ARHGAP18: variants seen among roughly 807,000 people sequenced by gnomAD.
The protein encoded by ARHGAP18 is Rho GTPase activating protein 18, also known as rho GTPase-activating protein 18.
Under a neutral mutation model 86.2 loss-of-function variants are expected in ARHGAP18, and 67 were observed. The observed-to-expected ratio is 0.78, with a 90% CI of 0.64 to 0.95. ARHGAP18 has a LOEUF of 0.95. ARHGAP18 is among the 40% of genes least tolerant of loss of function. ARHGAP18 has a pLI of 0.00. For missense variants in ARHGAP18, 691 were observed against 780.4 expected, an observed-to-expected ratio of 0.89 and a Z score of 1.37; for synonymous variants, 283 against 280.4, an observed-to-expected ratio of 1.01 and a Z score of -0.09.
intron 12 of ARHGAP18, among the ~76,000 whole-genome samples, chr6:129,592,008 T>C (rs1788525911): frequency 6.6e-6 from 1 of 151,486 alleles, no homozygotes. Context: ...TAAACTTTTA[T>C]CCAACTCACA....
intron 7 of ARHGAP18, among the ~76,000 whole-genome samples, chr6:129,612,339 G>A (rs1462903889): frequency 2.0e-5 from 3 of 152,286 alleles, no homozygotes; most frequent in East Asian, 1.9e-4. Flanking sequence ...CACAAAGGCC[G>A]TATAAAACAT....
intron 14 of ARHGAP18, among the ~76,000 whole-genome samples, chr6:129,579,600 A>C (rs1212678816): frequency 6.6e-6 from 1 of 152,218 alleles, no homozygotes; most frequent in Non-Finnish European, 1.5e-5. Context: ...TCCATTTTTT[A>C]AATTACTAAT....
intron 1 of ARHGAP18, among the ~76,000 whole-genome samples, chr6:129,672,681 C>T (rs928994051): frequency 1.3e-5 from 2 of 152,162 alleles, no homozygotes; most frequent in Non-Finnish European, 2.9e-5. Context: ...CTATAGGAAA[C>T]AACTTTGCTT....
chr6:129,618,505 C>T (rs1346655064), intron 6 of ARHGAP18, among the ~76,000 whole-genome samples, 182 bp downstream of exon 6: 1 of 152,164 alleles, frequency 6.6e-6, no homozygotes, highest in African/African-American at 2.4e-5. Flanking sequence ...GTCTAGGACA[C>T]AGTGTATCTC....
chr6:129,584,990 T>C, intron 12 of ARHGAP18, among the ~76,000 whole-genome samples: 1 of 151,414 alleles, frequency 6.6e-6, no homozygotes, highest in East Asian at 1.9e-4. Context: ...AGTCCTTTAC[T>C]GCATAACTTT....
chr6:129,634,735 T>A lies in ARHGAP18; in HGVS notation c.553-630A>T, dbSNP rs978976919. ...ACAATAAAAATGTGCTAAAACTGATTGTAGTGATAGTTGCACAACTGTGAG... is the reference window on the plus strand; with the variant it reads ...ACAATAAAAATGTGCTAAAACTGATAGTAGTGATAGTTGCACAACTGTGAG... On this transcript the variant is annotated intron_variant, in intron 3 of 14. Coordinates refer to ENST00000368149, the MANE Select transcript of ARHGAP18 (RefSeq NM_033515.3). 2.0e-5 allele frequency among the ~76,000 whole-genome samples: 3 copies of A among 152,058 alleles called. No homozygotes were observed. In the East Asian group the frequency reaches 5.8e-4, roughly 29 times the overall value.
intron 1 of ARHGAP18, among the ~76,000 whole-genome samples, chr6:129,688,978 A>G (rs1774480529): frequency 6.6e-6 from 1 of 152,124 alleles, no homozygotes; most frequent in African/African-American, 2.4e-5. Flanking sequence ...GAGAATCTCA[A>G]TGTCACAGAG....
chr6:129,649,946 CTTG>C (rs1773672885), intron 1 of ARHGAP18, among the ~76,000 whole-genome samples: 2 of 142,286 alleles, frequency 1.4e-5, no homozygotes, highest in Non-Finnish European at 3.0e-5. Flanking sequence ...GAGTTCCACT[CTTG>C]TTGTCCAGGC....
chr6:129,657,297 T>C (rs868236537), intron 1 of ARHGAP18, among the ~76,000 whole-genome samples: 24 of 152,260 alleles, frequency 1.6e-4, no homozygotes, highest in Middle Eastern at 3.4e-3. Flanking sequence ...ATTAATATTA[T>C]GCTAATAAAA....
intron 1 of ARHGAP18, among the ~76,000 whole-genome samples, chr6:129,664,410 G>T (rs975171539): frequency 2.0e-5 from 3 of 146,576 alleles, no homozygotes; most frequent in Non-Finnish European, 3.0e-5. Flanking sequence ...GCTACTTAAG[G>T]TTTTTTTTTT....
At chr6:129,610,730 C>T (rs1034427279) in intron 8 of ARHGAP18, among the ~76,000 whole-genome samples, 5 of 152,118 alleles carry the variant, frequency 3.3e-5, no homozygotes, top group Middle Eastern at 3.4e-3. Context: ...CAGGTTCAAG[C>T]GATTCTCCTG....
At chr6:129,627,216 C>A (rs919639804) in intron 5 of ARHGAP18, among the ~76,000 whole-genome samples, 1 of 151,966 alleles carries the variant, frequency 6.6e-6, no homozygotes, top group Admixed American at 6.6e-5. Flanking sequence ...GTTAATAAGT[C>A]AACAATTTCT....
intron 12 of ARHGAP18, among the ~76,000 whole-genome samples, chr6:129,593,976 A>G (rs977088696): frequency 1.3e-5 from 2 of 152,166 alleles, no homozygotes; most frequent in African/African-American, 4.8e-5. Context: ...TTTTAATAGC[A>G]TACAAAATTA....
At chr6:129,634,861 C>T (rs949346026) in intron 3 of ARHGAP18, among the ~76,000 whole-genome samples, 1 of 150,116 alleles carries the variant, frequency 6.7e-6, no homozygotes, top group South Asian at 2.1e-4. Flanking sequence ...AAGTACATGT[C>T]CCTAATAAAA....
At chr6:129,675,946 G>A (rs996619284) in intron 1 of ARHGAP18, among the ~76,000 whole-genome samples, 1 of 152,192 alleles carries the variant, frequency 6.6e-6, no homozygotes, top group African/African-American at 2.4e-5. Context: ...TGTAAGGACT[G>A]ATCAATAAGG....
In ARHGAP18 at chr6:129,638,487, C is replaced by T. The variant is rs540465556; in HGVS notation, c.459G>A (p.Glu153=). 112 of 1,614,132 alleles carry T rather than the reference C, an allele frequency of 6.9e-5. 2 individuals are homozygous for T. In the South Asian group the frequency reaches 1.2e-3, roughly 17 times the overall value. The change falls in exon 3 of 15, where the codon GAG becomes GAA. Residue 153 remains glutamate, a synonymous_variant. Transcript: ENST00000368149. ...TTTTCCTCAAGGTCTGGGAGACCGTCTCTACTCGCTTCTGAACTGCTGCTG... is the reference window on the plus strand; with the variant it reads ...TTTTCCTCAAGGTCTGGGAGACCGTTTCTACTCGCTTCTGAACTGCTGCTG... The part of the protein sequence containing the change: ...TQAAAVQKRV[E]TVSQTLRKKN...
intron 2 of ARHGAP18, among the ~76,000 whole-genome samples, chr6:129,639,103 A>G (rs573447247): frequency 6.6e-6 from 1 of 152,230 alleles, no homozygotes; most frequent in Non-Finnish European, 1.5e-5. Context: ...CAAAGAAGTT[A>G]ACAGCATCAG....
intron 12 of ARHGAP18, among the ~76,000 whole-genome samples, chr6:129,597,607 G>T (rs1416081372): frequency 6.6e-6 from 1 of 151,930 alleles, no homozygotes; most frequent in Non-Finnish European, 1.5e-5. Flanking sequence ...GCCTTCTCCT[G>T]GCTCCTCGAG....
chr6:129,616,499 G>A (rs1438572425), intron 6 of ARHGAP18, among the ~76,000 whole-genome samples, 196 bp from the exon 7 acceptor site: 1 of 152,188 alleles, frequency 6.6e-6, no homozygotes, highest in East Asian at 1.9e-4. Context: ...ATAGAGGAAT[G>A]TAGCAAGGAA....
Sources: gnomAD v4.1 joint callset for allele counts (sites outside exome capture counted in the v4.1 genomes callset) on GRCh38, gnomAD v4.1.1 for gene constraint, MANE v1.5 for transcripts, NCBI Gene and HGNC (gene_info 2026-07-23, HGNC 2026-07-21) for gene names.